CACNA2D3: variants seen among roughly 807,000 people sequenced by gnomAD.
CACNA2D3 encodes calcium voltage-gated channel auxiliary subunit alpha2delta 3.
A neutral mutation model predicts 160.6 loss-of-function variants in CACNA2D3; 60 were observed. The observed-to-expected ratio is 0.37, with a 90% CI of 0.30 to 0.46. The LOEUF (loss-of-function observed/expected upper bound fraction) is 0.46. CACNA2D3 is among the 20% of genes least tolerant of loss of function. CACNA2D3 has a pLI of 1.00. For synonymous variants in CACNA2D3, 558 were observed against 492.9 expected (o/e 1.13, Z -1.75); for missense variants, 1,205 against 1,365.0 (o/e 0.88, Z 1.85).
intron 2 of CACNA2D3, among the ~76,000 whole-genome samples, chr3:54,231,707 T>C (rs1287811908): frequency 6.6e-6 from 1 of 152,220 alleles, no homozygotes; most frequent in African/African-American, 2.4e-5. Context: ...TTTATAAAAA[T>C]TTGTTGAATG....
intron 27 of CACNA2D3, among the ~76,000 whole-genome samples, chr3:54,948,002 G>A (rs1701657277): frequency 6.6e-6 from 1 of 152,124 alleles, no homozygotes; most frequent in African/African-American, 2.4e-5. Flanking sequence ...CACAGATGGG[G>A]GAGATTCCAG....
chr3:54,554,992 G>A (rs955362572), intron 5 of CACNA2D3, among the ~76,000 whole-genome samples: 2 of 145,706 alleles, frequency 1.4e-5, no homozygotes, highest in South Asian at 2.2e-4. Flanking sequence ...CTTTCACCTC[G>A]GCTTCTTGAG....
chr3:54,123,709 C>A, intron 2 of CACNA2D3, 115 bp downstream of exon 2: 1 of 849,358 alleles, frequency 1.2e-6, no homozygotes, highest in Admixed American at 1.8e-5. Context: ...GGAGGACTCT[C>A]TGATCCCCGG....
chr3:54,640,913 C>G (rs1699504182), intron 10 of CACNA2D3, among the ~76,000 whole-genome samples: 1 of 152,090 alleles, frequency 6.6e-6, no homozygotes, highest in African/African-American at 2.4e-5. Context: ...TGTGCCAACT[C>G]CTTTGGGCTT....
intron 35 of CACNA2D3, among the ~76,000 whole-genome samples, chr3:55,054,797 C>T (rs1382189640): frequency 2.0e-5 from 3 of 151,706 alleles, no homozygotes; most frequent in African/African-American, 7.3e-5. Flanking sequence ...TTGTAGATGT[C>T]CTGGATTCTG....
At chr3:54,725,837 C>G (rs555363585) in intron 11 of CACNA2D3, among the ~76,000 whole-genome samples, 13 of 152,136 alleles carry the variant, frequency 8.5e-5, no homozygotes, top group African/African-American at 3.1e-4. Context: ...GAAGCATTCC[C>G]TTGGACAACC....
rs145345850 is a variant in CACNA2D3, at chr3:54,955,617, G to A, written c.2450-12833G>A. ...TCAGCATGTCAAAGCTCCAGTCTTT[G>A]GGATATCATTCTTTGAGTCCCAACA... On this transcript the variant is annotated intron_variant, in intron 27 of 37. Transcript: ENST00000474759. 3.9e-3 allele frequency among the ~76,000 whole-genome samples: 590 copies of A among 152,236 alleles called. 6 individuals are homozygous for A. The highest frequency in any genetic ancestry group is 0.013 in the African/African-American group (550 of 41,542).
At chr3:54,266,343 T>C (rs749093123) in intron 2 of CACNA2D3, among the ~76,000 whole-genome samples, 54 of 152,218 alleles carry the variant, frequency 3.5e-4, no homozygotes, top group Admixed American at 3.9e-4. Flanking sequence ...ACAACTGAAA[T>C]GGAAAATAAG....
chr3:55,073,647 A>T (rs1704870634), intron 36 of CACNA2D3, 90 bp downstream of exon 36: 2 of 1,284,766 alleles, frequency 1.6e-6, no homozygotes, highest in Admixed American at 3.7e-5. Flanking sequence ...ATATTAGAGA[A>T]GGAAAATTAC....
chr3:54,883,096 C>G (rs1228235058), intron 21 of CACNA2D3, among the ~76,000 whole-genome samples: 1 of 152,108 alleles, frequency 6.6e-6, no homozygotes, highest in Non-Finnish European at 1.5e-5. Context: ...TCTCAGCTCA[C>G]TGCAGCCTCC....
intron 2 of CACNA2D3, among the ~76,000 whole-genome samples, chr3:54,169,154 A>T (rs1366953803): frequency 6.6e-6 from 1 of 152,182 alleles, no homozygotes; most frequent in African/African-American, 2.4e-5. Flanking sequence ...AAAGCACAAA[A>T]CTGAAAAACT....
chr3:54,894,481 G>A (rs1700139670), intron 25 of CACNA2D3: 3 of 447,380 alleles, frequency 6.7e-6, no homozygotes, highest in Non-Finnish European at 1.4e-5. Flanking sequence ...CCTTAAGTGA[G>A]GACCACTTCA....
chr3:54,951,186 C>A (rs1425787191), intron 27 of CACNA2D3, among the ~76,000 whole-genome samples: 1 of 152,046 alleles, frequency 6.6e-6, no homozygotes, highest in African/African-American at 2.4e-5. Context: ...CAAGATAATA[C>A]AGAATAAAGT....
chr3:54,317,913 A>G (rs565486663), intron 2 of CACNA2D3, among the ~76,000 whole-genome samples: 4 of 152,282 alleles, frequency 2.6e-5, no homozygotes, highest in African/African-American at 9.6e-5. Flanking sequence ...TAATCCATTC[A>G]TGAGGGTGGA....
At chr3:54,949,808 T>C (rs1411713061) in intron 27 of CACNA2D3, among the ~76,000 whole-genome samples, 1 of 152,172 alleles carries the variant, frequency 6.6e-6, no homozygotes, top group African/African-American at 2.4e-5. Context: ...AGACTTTTTT[T>C]GCCTGTGATT....
chr3:54,470,690 T>C (rs543850270), intron 4 of CACNA2D3, among the ~76,000 whole-genome samples: 1 of 151,676 alleles, frequency 6.6e-6, no homozygotes, highest in South Asian at 2.1e-4. Context: ...AAGGCACCCA[T>C]AGGCTCAAAA....
At chr3:54,503,741 G>T in intron 5 of CACNA2D3, 87 bp downstream of exon 5, 2 of 1,255,660 alleles carry the variant, frequency 1.6e-6, no homozygotes, top group East Asian at 2.4e-5. Flanking sequence ...ATATAGTTTT[G>T]GTTTGTTTCA....
At chr3:54,920,824 G>T (rs1193156362) in intron 27 of CACNA2D3, among the ~76,000 whole-genome samples, 1 of 152,164 alleles carries the variant, frequency 6.6e-6, no homozygotes, top group East Asian at 1.9e-4. Flanking sequence ...GACTAGGGTG[G>T]TTTACCCAAT....
intron 27 of CACNA2D3, among the ~76,000 whole-genome samples, chr3:54,913,394 T>C (rs1480099766): frequency 6.6e-6 from 1 of 152,214 alleles, no homozygotes; most frequent in Non-Finnish European, 1.5e-5. Flanking sequence ...TCTCCTCTTC[T>C]GTGTATTAAT....
Sources: gnomAD v4.1 joint callset for allele counts (sites outside exome capture counted in the v4.1 genomes callset) on GRCh38, gnomAD v4.1.1 for gene constraint, MANE v1.5 for transcripts, NCBI Gene and HGNC (gene_info 2026-07-23, HGNC 2026-07-21) for gene names.